Variants in FBP1 observed in about 807,000 individuals in gnomAD.
FBP1 encodes the protein fructose-1,6-bisphosphatase 1.
A neutral mutation model predicts 29.9 loss-of-function variants in FBP1; 22 were observed. The observed-to-expected ratio is 0.74, with a 90% CI of 0.53 to 1.05. FBP1 has a LOEUF of 1.05. Ranked by LOEUF, FBP1 falls within the 50% of genes least tolerant of loss-of-function variation. The probability of loss-of-function intolerance (pLI) is 0.00; values close to 1 mark genes in which losing one functional copy is unlikely to be tolerated. For missense variants in FBP1, 345 were observed against 448.2 expected, an observed-to-expected ratio of 0.77 and a Z score of 2.08; for synonymous variants, 175 against 178.6, an observed-to-expected ratio of 0.98 and a Z score of 0.16.
At chr9:94,604,210 C>T (rs1048113130) in intron 6 of FBP1, among the ~76,000 whole-genome samples, 1 of 149,036 alleles carries the variant, frequency 6.7e-6, no homozygotes, top group African/African-American at 2.5e-5. Flanking sequence ...TCTATTTCCA[C>T]ATAGGTGTCA....
At chr9:94,630,817 A>G (rs1249621825) in intron 1 of FBP1, among the ~76,000 whole-genome samples, 1 of 151,986 alleles carries the variant, frequency 6.6e-6, no homozygotes, top group Non-Finnish European at 1.5e-5. Context: ...AAAGCCCCTG[A>G]GTGGCTGTTT....
intron 1 of FBP1, 85 bp downstream of exon 1, chr9:94,639,056 G>GCT (rs1194693310): frequency 7.5e-7 from 1 of 1,337,008 alleles, no homozygotes. Flanking sequence ...ACGGCAGGAG[G>GCT]CTCAGAGGGC....
chr9:94,609,723 A>G (rs1196758561), intron 4 of FBP1, among the ~76,000 whole-genome samples, 198 bp downstream of exon 4: 1 of 152,024 alleles, frequency 6.6e-6, no homozygotes, highest in Non-Finnish European at 1.5e-5. Flanking sequence ...CTGAGATGGC[A>G]TTTCTCACCT....
At chr9:94,616,936 C>T (rs201958893) in intron 3 of FBP1, among the ~76,000 whole-genome samples, 1 of 115,126 alleles carries the variant, frequency 8.7e-6, no homozygotes, top group Non-Finnish European at 1.9e-5. Flanking sequence ...CTCTCTCTTT[C>T]TCTCTCTCTC....
At chr9:94,628,981 G>T (rs1391729717) in intron 1 of FBP1, among the ~76,000 whole-genome samples, 28 of 152,138 alleles carry the variant, frequency 1.8e-4, no homozygotes. Flanking sequence ...GCTTTTTGTT[G>T]TTGTTTTTTG....
In FBP1 at chr9:94,609,953, C is replaced by T; in HGVS notation, c.535G>A (p.Asp179Asn). The T allele has an allele frequency of 1.2e-6, 2 of 1,614,228 alleles. No homozygotes were observed. The highest frequency in any genetic ancestry group is 1.7e-5 in the Admixed American group (1 of 60,026). The stretch of plus-strand genomic sequence containing the variant: ...AGCATGAAGCAGTTGACCCCACAGT[C>T]CATGGCAAGGACCAGCATGGTGGCA... ...GSATMLVLAMDCGVNCFMLDP... is the reference protein window; with the variant it reads ...GSATMLVLAMNCGVNCFMLDP... The change falls in exon 4 of 7, where the codon GAC becomes AAC. Residue 179 changes from aspartate to asparagine, a missense_variant. Transcript: ENST00000375326.
intron 1 of FBP1, among the ~76,000 whole-genome samples, chr9:94,621,796 G>A (rs1038393056): frequency 6.6e-6 from 1 of 152,184 alleles, no homozygotes; most frequent in Non-Finnish European, 1.5e-5. Flanking sequence ...GACCCAGCAA[G>A]CAAGGAAGCC....
At chr9:94,618,471 A>G (rs1326992150) in intron 2 of FBP1, among the ~76,000 whole-genome samples, 1 of 149,444 alleles carries the variant, frequency 6.7e-6, no homozygotes, top group East Asian at 2.0e-4. Context: ...AAAAAAAAAA[A>G]AAAAAAAAAA....
At chr9:94,617,055 T>TA (rs1479642286) in intron 3 of FBP1, among the ~76,000 whole-genome samples, 1 of 152,146 alleles carries the variant, frequency 6.6e-6, no homozygotes, top group Non-Finnish European at 1.5e-5. Flanking sequence ...TTCTACGACT[T>TA]AGAGCAAAGC....
At chr9:94,623,277 G>A (rs1006122102) in intron 1 of FBP1, among the ~76,000 whole-genome samples, 4 of 152,136 alleles carry the variant, frequency 2.6e-5, no homozygotes, top group African/African-American at 9.7e-5. Context: ...GAGCCACCGT[G>A]CCCAGCCCAC....
chr9:94,638,794 GGGTATGACGGGCA>G (rs1390311704), intron 1 of FBP1, among the ~76,000 whole-genome samples: 1 of 152,222 alleles, frequency 6.6e-6, no homozygotes, highest in African/African-American at 2.4e-5. Context: ...AGGCTAGGGC[GGGTATGACGGGCA>G]GGCCAGGTGC....
intron 6 of FBP1, among the ~76,000 whole-genome samples, chr9:94,604,507 C>T (rs908255084): frequency 5.3e-5 from 8 of 150,164 alleles, no homozygotes; most frequent in East Asian, 2.0e-4. Flanking sequence ...AAGGCAGCCA[C>T]GCGTGGTGGC....
At chr9:94,614,802 T>C (rs936232546) in intron 3 of FBP1, among the ~76,000 whole-genome samples, 2 of 152,218 alleles carry the variant, frequency 1.3e-5, no homozygotes, top group African/African-American at 4.8e-5. Flanking sequence ...TCATGAGCCC[T>C]CAACTGGTTT....
intron 6 of FBP1, among the ~76,000 whole-genome samples, chr9:94,604,239 C>CA (rs11304867): frequency 1.4e-4 from 21 of 149,782 alleles, no homozygotes; most frequent in South Asian, 4.2e-4. Flanking sequence ...TTTGAAAAAC[C>CA]AAAAAAAAAA....
intron 4 of FBP1, among the ~76,000 whole-genome samples, chr9:94,609,093 G>A (rs1427637010): frequency 6.6e-6 from 1 of 151,922 alleles, no homozygotes; most frequent in Non-Finnish European, 1.5e-5. Flanking sequence ...AGGAGCTGAG[G>A]CAGGAGAATC....
intron 1 of FBP1, among the ~76,000 whole-genome samples, chr9:94,624,206 C>T (rs1352635070): frequency 6.6e-6 from 1 of 151,600 alleles, no homozygotes; most frequent in African/African-American, 2.4e-5. Context: ...GGCATGGTGG[C>T]GGGCACCTGT....
chr9:94,622,550 C>T (rs749453738), intron 1 of FBP1, among the ~76,000 whole-genome samples: 2 of 152,222 alleles, frequency 1.3e-5, no homozygotes, highest in Non-Finnish European at 2.9e-5. Context: ...ATGCCTGGTC[C>T]GGCCTGACTA....
intron 5 of FBP1, among the ~76,000 whole-genome samples, 181 bp from the exon 6 acceptor site, chr9:94,605,757 G>T (rs565493741): frequency 7.9e-5 from 12 of 152,162 alleles, no homozygotes; most frequent in Non-Finnish European, 1.5e-4. Context: ...ATGGAAAAAT[G>T]GAGACAGCCT....
At position 94,603,231 on chromosome 9, in the gene FBP1, C is replaced by T; in HGVS notation, c.*150G>A. ...GAGACAGCATTTGGTTAGGGAGTGCCAAGCATTCTACAGCATTTGATGGTG... is the reference window on the plus strand; with the variant it reads ...GAGACAGCATTTGGTTAGGGAGTGCTAAGCATTCTACAGCATTTGATGGTG... On this transcript the variant is annotated 3_prime_UTR_variant, in exon 7 of 7. Coordinates refer to ENST00000375326, the MANE Select transcript of FBP1 (RefSeq NM_000507.4). 1.4e-6 allele frequency: 1 copy of T among 726,082 alleles called. No individual in the cohort carries two copies. The allele number at this position is 726,082 out of a possible 1,614,324, so 45.0% of individuals were successfully genotyped here. A position where few individuals can be genotyped will look rare whatever the true frequency, so the allele number is the denominator to read the frequency against.
Sources: gnomAD v4.1 joint callset for allele counts (sites outside exome capture counted in the v4.1 genomes callset) on GRCh38, gnomAD v4.1.1 for gene constraint, MANE v1.5 for transcripts, NCBI Gene and HGNC (gene_info 2026-07-23, HGNC 2026-07-21) for gene names.